The following GLE1 variants were observed in gnomAD, a reference collection of about 807,000 sequenced individuals.
The protein encoded by GLE1 is mRNA export factor GLE1.
Under a neutral mutation model 97.3 loss-of-function variants are expected in GLE1, and 78 were observed. The ratio of observed to expected loss-of-function variants is 0.80; its 90% CI spans 0.67 to 0.97. The LOEUF is 0.97. GLE1 is among the 50% of genes least tolerant of loss of function. The pLI is 0.00. For synonymous variants in GLE1, 302 were observed against 313.4 expected, an observed-to-expected ratio of 0.96 and a Z score of 0.39; for missense variants, 753 against 857.5, an observed-to-expected ratio of 0.88 and a Z score of 1.52.
intron 1 of GLE1, among the ~76,000 whole-genome samples, chr9:128,505,701 T>A (rs1226372235): frequency 6.6e-6 from 1 of 152,354 alleles, no homozygotes; most frequent in South Asian, 2.1e-4. Context: ...ACACTGGTGA[T>A]GCTAATCTTG....
At position 128,517,446 on chromosome 9, in the gene GLE1, G is replaced by A. The variant is rs78913877; in HGVS notation, c.432+1807G>A. On this transcript the variant is annotated intron_variant, in intron 3 of 15. Transcript: ENST00000309971. ...AGACATAGAGCTTATATTGTGGTGG[G>A]AAGAGACAGAAGTAAACAAGAGAAA... Among the ~76,000 whole-genome samples the A allele has an allele frequency of 9.6e-3, 1,461 of 152,332 alleles. 32 individuals are homozygous for A. Among genetic ancestry groups the A allele is most frequent in the East Asian group, 0.073 (380 of 5,186 alleles).
rs912753368 is a variant in GLE1, at chr9:128,541,452, G to T, written c.*282G>T. The T allele has an allele frequency of 1.5e-5, 7 of 457,842 alleles. No homozygotes were observed. The highest frequency in any genetic ancestry group is 2.4e-5 in the Non-Finnish European group (6 of 249,726). The allele number at this position is 457,842 out of a possible 1,614,324, so 28.4% of individuals were successfully genotyped here. On this transcript the variant is annotated 3_prime_UTR_variant, in exon 16 of 16. Coordinates refer to ENST00000309971, the MANE Select transcript of GLE1 (RefSeq NM_001003722.2). The stretch of plus-strand genomic sequence containing the variant: ...AGTGATAAAAGGTCTTTAGCACTTG[G>T]TCTCCTCCCTTGTCTCTAGTGTCTT...
chr9:128,506,433 G>A (rs1447049761), intron 1 of GLE1, among the ~76,000 whole-genome samples: 2 of 152,148 alleles, frequency 1.3e-5, no homozygotes, highest in Non-Finnish European at 2.9e-5. Flanking sequence ...TGGCTACTGG[G>A]CACCTCATTA....
Position 128,523,791 on chromosome 9 carries a change from C to T in GLE1, c.842C>T (p.Thr281Ile). The change falls in exon 6 of 16, where the codon ACC becomes ATC. Residue 281 changes from threonine to isoleucine, a missense_variant. Transcript: ENST00000309971. Reference protein sequence around the residue: ...LLKVDLAAFQTRGNQLCSLIS... With the variant: ...LLKVDLAAFQIRGNQLCSLIS... ...AAGGTCGACCTGGCTGCCTTCCAGACCCGAGGCAACCAGCTGTGCAGCCTC... is the reference window on the plus strand; with the variant it reads ...AAGGTCGACCTGGCTGCCTTCCAGATCCGAGGCAACCAGCTGTGCAGCCTC... 6.2e-7 allele frequency: 1 copy of T among 1,613,998 alleles called. No individual in the cohort carries two copies. Among genetic ancestry groups the T allele is most frequent in the East Asian group, 2.2e-5 (1 of 44,856 alleles).
Position 128,541,387 on chromosome 9 carries a change from G to A in GLE1, c.*217G>A, listed in dbSNP as rs959546911. On this transcript the variant is annotated 3_prime_UTR_variant, in exon 16 of 16. Transcript: ENST00000309971. ...TGGTAGTTCCTTAAGAGATCCACGT[G>A]ATAAAATAAATGGAGTTGGCCTTTC... is the stretch of plus-strand genomic sequence containing the variant. 1.9e-5 allele frequency: 11 copies of A among 576,192 alleles called. No homozygotes were observed. The highest frequency in any genetic ancestry group is 4.2e-5 in the South Asian group (2 of 47,304). 35.7% of individuals were successfully genotyped at this position (576,192 alleles called of 1,614,324 possible). A position where few individuals can be genotyped will look rare whatever the true frequency, so the allele number is the denominator to read the frequency against.
intron 2 of GLE1, 98 bp from the exon 3 acceptor site, chr9:128,515,431 A>G (rs777896857): frequency 1.2e-5 from 9 of 725,604 alleles, no homozygotes; most frequent in East Asian, 2.7e-5. Context: ...GTGGTTGTTC[A>G]TAAGTTGGGA....
chr9:128,507,638 A>C (rs1589039603), intron 1 of GLE1, among the ~76,000 whole-genome samples: 1 of 151,218 alleles, frequency 6.6e-6, no homozygotes, highest in African/African-American at 2.4e-5. Flanking sequence ...CTGTAATCCC[A>C]ACACTTTGGG....
Position 128,504,788 on chromosome 9 carries a change from G to C in GLE1, c.-18G>C. 6.5e-7 allele frequency: 1 copy of C among 1,542,416 alleles called. No homozygotes were observed. Reference sequence around the variant, plus strand: ...TGGTCAGAAGGGGGGCGTCAGAGAAGCTGCCCCTTAGCCAACCATGCCGTC... The same window carrying C: ...TGGTCAGAAGGGGGGCGTCAGAGAACCTGCCCCTTAGCCAACCATGCCGTC... On this transcript the variant is annotated 5_prime_UTR_variant, in exon 1 of 16. Coordinates refer to ENST00000309971, the MANE Select transcript of GLE1 (RefSeq NM_001003722.2).
intron 1 of GLE1, among the ~76,000 whole-genome samples, chr9:128,507,978 G>A (rs1046043027): frequency 6.6e-6 from 1 of 152,080 alleles, no homozygotes; most frequent in African/African-American, 2.4e-5. Flanking sequence ...TCAGGAGTTC[G>A]AGACCAGCCT....
At chr9:128,516,428 T>C (rs995281247) in intron 3 of GLE1, among the ~76,000 whole-genome samples, 1 of 152,168 alleles carries the variant, frequency 6.6e-6, no homozygotes, top group Non-Finnish European at 1.5e-5. Context: ...CATGCTATTC[T>C]CTTGCCTCAG....
At position 128,522,694 on chromosome 9, in the gene GLE1, G is replaced by GC. The variant is rs780012131; in HGVS notation, c.460dup (p.Gln154ProfsTer14). On this transcript the variant is annotated frameshift_variant, in exon 4 of 16. Coordinates refer to ENST00000309971, the MANE Select transcript of GLE1 (RefSeq NM_001003722.2). LOFTEE classifies it high-confidence loss of function. ...AGGGCCTGAGGCTATGGCAGGAGGA[G>GC]CAGGAGAGGAAGGTGCAAGCCCTCT... The GC allele has an allele frequency of 6.2e-7, 1 of 1,611,716 alleles. No individual in the cohort carries two copies. Among genetic ancestry groups the GC allele is most frequent in the Admixed American group, 1.7e-5 (1 of 59,778 alleles).
intron 13 of GLE1, among the ~76,000 whole-genome samples, chr9:128,538,581 GAA>G (rs1430531389): frequency 2.6e-5 from 4 of 152,196 alleles, no homozygotes; most frequent in Non-Finnish European, 5.9e-5. Context: ...TGGATTACCT[GAA>G]GTCATGAGTT....
intron 3 of GLE1, 34 bp from the exon 4 acceptor site, chr9:128,522,634 T>C (rs767405041): frequency 1.6e-6 from 2 of 1,243,204 alleles, no homozygotes; most frequent in Non-Finnish European, 2.1e-6. Flanking sequence ...AGATTCCATC[T>C]TAAAAAAAAA....
intron 3 of GLE1, among the ~76,000 whole-genome samples, chr9:128,519,280 T>G (rs752192668): frequency 6.6e-6 from 1 of 152,180 alleles, no homozygotes. Flanking sequence ...ACAAGAGAGA[T>G]AACCTTAAAC....
At chr9:128,516,985 G>A (rs2132435405) in intron 3 of GLE1, among the ~76,000 whole-genome samples, 1 of 151,952 alleles carries the variant, frequency 6.6e-6, no homozygotes, top group Admixed American at 6.6e-5. Context: ...TCAGAGTACA[G>A]GAATTTAGAA....
At chr9:128,535,081 G>A (rs532589952) in intron 11 of GLE1, among the ~76,000 whole-genome samples, 1 of 150,522 alleles carries the variant, frequency 6.6e-6, no homozygotes, top group East Asian at 1.9e-4. Context: ...GCCATAAAAA[G>A]TAATCTCTGG....
intron 7 of GLE1, 138 bp from the exon 8 acceptor site, chr9:128,527,041 A>G: frequency 2.9e-6 from 2 of 684,248 alleles, no homozygotes; most frequent in Admixed American, 2.1e-5. Flanking sequence ...AAATGGAGAT[A>G]ATAATAGTAT....
rs1033219059 is a variant in GLE1 at position 128,536,371 on chromosome 9, G to A, written c.1663G>A (p.Val555Ile). ...EDYQRMLGYQ[V>I]KDSKVEQQDN... ...CCCGTATAGGATGCTTGGTTACCAA[G>A]TAAAGGATTCCAAAGTGGAGCAGCA... The change falls in exon 12 of 16, where the codon GTA becomes ATA. Residue 555 changes from valine to isoleucine, a missense_variant. Val to Ile is a conservative substitution (Grantham distance 29). Coordinates refer to ENST00000309971, the MANE Select transcript of GLE1 (RefSeq NM_001003722.2). 1.2e-6 allele frequency: 2 copies of A among 1,613,606 alleles called. No homozygotes were observed. Among genetic ancestry groups the A allele is most frequent in the African/African-American group, 2.7e-5 (2 of 74,910 alleles).
chr9:128,525,914 A>C (rs1847287793), intron 7 of GLE1, among the ~76,000 whole-genome samples: 1 of 151,904 alleles, frequency 6.6e-6, no homozygotes, highest in Admixed American at 6.6e-5. Context: ...ACAGAGTGAG[A>C]CTCCGTCTCA....
Sources: allele counts gnomAD v4.1 joint callset (sites outside exome capture counted in the v4.1 genomes callset), GRCh38; gene constraint gnomAD v4.1.1; transcripts MANE v1.5; gene names NCBI Gene and HGNC (gene_info 2026-07-23, HGNC 2026-07-21).